The following STK3 variants were observed in gnomAD, a reference collection of about 807,000 sequenced individuals.
STK3 encodes the protein serine/threonine-protein kinase 3.
Under a neutral mutation model 58.0 loss-of-function variants are expected in STK3, and 41 were observed. That is an observed-to-expected ratio of 0.71 (90% CI 0.55 to 0.92). STK3 has a LOEUF of 0.92. STK3 is among the 40% of genes least tolerant of loss of function. STK3 has a pLI of 0.00. For missense variants in STK3, 479 were observed against 602.7 expected, an observed-to-expected ratio of 0.79 and a Z score of 2.15; for synonymous variants, 170 against 191.0, an observed-to-expected ratio of 0.89 and a Z score of 0.91.
chr8:98,557,123 G>T (rs1811654438), intron 8 of STK3, among the ~76,000 whole-genome samples: 2 of 152,074 alleles, frequency 1.3e-5, no homozygotes, highest in South Asian at 4.1e-4. Context: ...TGCAAGATGA[G>T]CACAAAACTG....
At chr8:98,795,242 G>A (rs2131597955) in intron 1 of STK3, among the ~76,000 whole-genome samples, 1 of 147,502 alleles carries the variant, frequency 6.8e-6, no homozygotes, top group African/African-American at 2.5e-5. Flanking sequence ...CAATAAATGT[G>A]ATCCACCACA....
At chr8:98,690,702 A>AT (rs1824341571) in intron 6 of STK3, among the ~76,000 whole-genome samples, 1 of 152,188 alleles carries the variant, frequency 6.6e-6, no homozygotes. Context: ...AACTATTCCA[A>AT]AATTTATATG....
chr8:98,729,030 GGGCACTT>G (rs767749092), intron 4 of STK3, among the ~76,000 whole-genome samples: 104 of 152,220 alleles, frequency 6.8e-4, no homozygotes, highest in Admixed American at 1.2e-3. Context: ...TTGATTCTAA[GGGCACTT>G]GGATAAAATA....
At chr8:98,557,716 T>C (rs1811709620) in intron 8 of STK3, among the ~76,000 whole-genome samples, 1 of 152,120 alleles carries the variant, frequency 6.6e-6, no homozygotes, top group African/African-American at 2.4e-5. Flanking sequence ...TGTAAGTAGG[T>C]GGTCTTTCCC....
intron 6 of STK3, among the ~76,000 whole-genome samples, chr8:98,699,849 T>G (rs1825386519): frequency 6.6e-6 from 1 of 152,228 alleles, no homozygotes; most frequent in Non-Finnish European, 1.5e-5. Flanking sequence ...CTGCCCATTC[T>G]CAGATCTCCA....
At chr8:98,749,039 C>T (rs1829807552) in intron 4 of STK3, among the ~76,000 whole-genome samples, 1 of 151,860 alleles carries the variant, frequency 6.6e-6, no homozygotes, top group Non-Finnish European at 1.5e-5. Flanking sequence ...ATGGTAGTTT[C>T]TCTGTGACAC....
At chr8:98,589,644 C>A (rs1419560951) in intron 7 of STK3, among the ~76,000 whole-genome samples, 3 of 152,262 alleles carry the variant, frequency 2.0e-5, no homozygotes, top group Non-Finnish European at 4.4e-5. Context: ...AGCTTCCTGG[C>A]TGCTTTGTCT....
chr8:98,500,748 T>C (rs1298505044), intron 10 of STK3, among the ~76,000 whole-genome samples: 1 of 152,224 alleles, frequency 6.6e-6, no homozygotes, highest in African/African-American at 2.4e-5. Context: ...TCATCCCTTT[T>C]TTATGGCTGC....
At chr8:98,822,743 CG>C (rs1564034761) in intron 1 of STK3, among the ~76,000 whole-genome samples, 1 of 152,068 alleles carries the variant, frequency 6.6e-6, no homozygotes, top group African/African-American at 2.4e-5. Context: ...TAAAGAACAA[CG>C]GGGGCCAGGC....
In STK3 at chr8:98,428,405, G is replaced by GAGC; in HGVS notation, n.483+5719_483+5721dup. On this transcript the variant is annotated intron_variant and non_coding_transcript_variant, in intron 3 of 3. Coordinates refer to the STK3 transcript ENST00000517832. This position sits in a 1 kb window ranked among gnomAD's most constrained non-coding sequence, Gnocchi z 6.7. ...AGTGGGACGAGCAGAGTGACCAGGA[G>GAGC]AGCACCACGTCTTCCTTCGATGAGA... The GAGC allele has an allele frequency of 6.2e-7, 1 of 1,614,180 alleles. No individual in the cohort carries two copies. The highest frequency in any genetic ancestry group is 8.5e-7 in the Non-Finnish European group (1 of 1,180,046).
chr8:98,482,998 G>C (rs1286505345), intron 10 of STK3, among the ~76,000 whole-genome samples: 1 of 152,116 alleles, frequency 6.6e-6, no homozygotes, highest in Non-Finnish European at 1.5e-5. Context: ...ATTAGTGAGA[G>C]AGAACAATCT....
intron 6 of STK3, among the ~76,000 whole-genome samples, chr8:98,701,231 A>G (rs1825587126): frequency 6.6e-6 from 1 of 152,096 alleles, no homozygotes; most frequent in Non-Finnish European, 1.5e-5. Flanking sequence ...GAAAAAAGTA[A>G]AGAGAAAAGA....
intron 10 of STK3, among the ~76,000 whole-genome samples, chr8:98,524,079 A>G (rs1373878031): frequency 6.6e-6 from 1 of 152,220 alleles, no homozygotes; most frequent in African/African-American, 2.4e-5. Context: ...GTGGATATCC[A>G]GTTTTCCCAG....
intron 1 of STK3, among the ~76,000 whole-genome samples, chr8:98,819,521 A>G (rs1223305659): frequency 6.6e-6 from 1 of 152,250 alleles, no homozygotes; most frequent in Admixed American, 6.5e-5. Context: ...AAATTAACCA[A>G]GAAAAGCCAA....
chr8:98,766,390 T>C (rs1456107490), intron 3 of STK3, among the ~76,000 whole-genome samples: 1 of 152,202 alleles, frequency 6.6e-6, no homozygotes, highest in African/African-American at 2.4e-5. Flanking sequence ...GATTACATAA[T>C]ACAGACTGTT....
At chr8:98,683,330 T>C (rs547833799) in intron 6 of STK3, among the ~76,000 whole-genome samples, 3 of 152,252 alleles carry the variant, frequency 2.0e-5, no homozygotes, top group East Asian at 1.9e-4. Flanking sequence ...ATTTATTTCA[T>C]TGATTCTTAT....
chr8:98,785,977 C>T (rs1449527256), intron 1 of STK3, among the ~76,000 whole-genome samples: 1 of 152,068 alleles, frequency 6.6e-6, no homozygotes, highest in African/African-American at 2.4e-5. Flanking sequence ...GAATGTAGTG[C>T]CACCACAGAA....
chr8:98,883,918 G>A, intron 1 of STK3: 1 of 547,200 alleles, frequency 1.8e-6, no homozygotes, highest in East Asian at 2.9e-5. Context: ...TGCCGGGGAT[G>A]ACTTCAGCAT....
intron 1 of STK3, among the ~76,000 whole-genome samples, chr8:98,941,117 C>G (rs1840406224): frequency 6.6e-6 from 1 of 152,236 alleles, no homozygotes; most frequent in Non-Finnish European, 1.5e-5. Flanking sequence ...TCGGCCGGTG[C>G]CTCCAGGGGG....
Sources: gnomAD v4.1 joint callset for allele counts (sites outside exome capture counted in the v4.1 genomes callset) on GRCh38, gnomAD v4.1.1 for gene constraint, Gnocchi (gnomAD v3.1) non-coding constraint, MANE v1.5 for transcripts, NCBI Gene and HGNC (gene_info 2026-07-23, HGNC 2026-07-21) for gene names.